RRP1B: variants seen among roughly 807,000 people sequenced by gnomAD.
RRP1B encodes ribosomal RNA processing 1B, also known as ribosomal RNA processing protein 1 homolog B.
Under a neutral mutation model 80.2 loss-of-function variants are expected in RRP1B, and 56 were observed. The observed-to-expected ratio is 0.70, with a 90% CI of 0.56 to 0.87. The LOEUF is 0.87. Ranked by LOEUF, RRP1B falls within the 40% of genes least tolerant of loss-of-function variation. The probability of loss-of-function intolerance (pLI) is 0.00; values close to 1 mark genes in which losing one functional copy is unlikely to be tolerated. For missense variants in RRP1B, 807 were observed against 939.8 expected (o/e 0.86, Z 1.85); for synonymous variants, 351 against 357.6 (o/e 0.98, Z 0.21).
chr21:43,679,802 C>G (rs56067270), intron 8 of RRP1B, among the ~76,000 whole-genome samples: 2,239 of 152,264 alleles, frequency 0.015, 55 homozygotes, highest in African/African-American at 0.05. Flanking sequence ...TTGTTTGTGT[C>G]ATCAGTGACT....
chr21:43,669,769 T>A (rs2082992102), intron 1 of RRP1B, 115 bp from the exon 2 acceptor site: 1 of 692,546 alleles, frequency 1.4e-6, no homozygotes, highest in Non-Finnish European at 2.4e-6. Flanking sequence ...TTCAATTTTT[T>A]AAAAAGACGT....
In RRP1B at chr21:43,675,103, A is replaced by G. The variant is rs377357214; in HGVS notation, c.489A>G (p.Gly163=). 1.9e-4 allele frequency: 304 copies of G among 1,613,948 alleles called. No individual in the cohort carries two copies. The highest frequency in any genetic ancestry group is 2.4e-4 in the Non-Finnish European group (289 of 1,179,980). The change falls in exon 6 of 16, where the codon GGA becomes GGG. Residue 163 remains glycine, a synonymous_variant. Coordinates refer to ENST00000340648, the MANE Select transcript of RRP1B (RefSeq NM_015056.3). ...VLCPESQSPN[G]VRFHFIDIYL... ...GTCCTGAGAGTCAGTCTCCTAATGG[A>G]GTGAGATTCCACTTCATTGATATTT...
At chr21:43,663,789 T>C (rs2082967633) in intron 1 of RRP1B, among the ~76,000 whole-genome samples, 1 of 152,174 alleles carries the variant, frequency 6.6e-6, no homozygotes. Flanking sequence ...CTTGAACTCC[T>C]GACCTCAGGT....
At chr21:43,671,911 T>G (rs139142932) in intron 2 of RRP1B, among the ~76,000 whole-genome samples, 10 of 152,098 alleles carry the variant, frequency 6.6e-5, no homozygotes, top group African/African-American at 2.2e-4. Flanking sequence ...GGTCTTGAAC[T>G]CCTGACCTCA....
At chr21:43,672,710 A>T (rs960199225) in intron 3 of RRP1B, among the ~76,000 whole-genome samples, 4 of 152,178 alleles carry the variant, frequency 2.6e-5, no homozygotes, top group Admixed American at 6.5e-5. Context: ...ACTGGTAATA[A>T]ATACATAGAA....
At chr21:43,681,195 A>G (rs892861675) in intron 8 of RRP1B, among the ~76,000 whole-genome samples, 2 of 152,082 alleles carry the variant, frequency 1.3e-5, no homozygotes, top group Non-Finnish European at 2.9e-5. Flanking sequence ...GTGAGCCAAG[A>G]TCGTGCCACT....
At position 43,684,577 on chromosome 21, in the gene RRP1B, C is replaced by T. The variant is rs1175860221; in HGVS notation, c.916C>T (p.Arg306Ter). 2 of 1,613,942 alleles carry T rather than the reference C, an allele frequency of 1.2e-6. No individual in the cohort carries two copies. Among genetic ancestry groups the T allele is most frequent in the Non-Finnish European group, 1.7e-6 (2 of 1,179,982 alleles). ...LQFDYKAVADRLLEMTSRKNT... is the reference protein window; with the variant it reads ...LQFDYKAVAD ...GTTTGACTATAAGGCTGTTGCTGAT[C>T]GACTCCTGGAAATGACCAGCAGGAA... Residue 306 changes from arginine to a stop codon, truncating the protein, a stop_gained, in exon 10 of 16, where the codon CGA (arginine) becomes TGA (stop). Transcript: ENST00000340648. LOFTEE classifies it high-confidence loss of function.
intron 8 of RRP1B, among the ~76,000 whole-genome samples, chr21:43,682,989 C>G (rs1377295978): frequency 6.6e-6 from 1 of 152,154 alleles, no homozygotes; most frequent in Non-Finnish European, 1.5e-5. Flanking sequence ...TCTCATGCCT[C>G]AGCCTCCCAA....
intron 3 of RRP1B, 99 bp from the exon 4 acceptor site, chr21:43,673,771 T>A: frequency 1.5e-6 from 1 of 676,848 alleles, no homozygotes; most frequent in Non-Finnish European, 2.5e-6. Flanking sequence ...GAAAAGTGAA[T>A]AATAAATAAT....
At chr21:43,688,690 C>G (rs775716340) in intron 13 of RRP1B, among the ~76,000 whole-genome samples, 9 of 152,188 alleles carry the variant, frequency 5.9e-5, no homozygotes, top group Non-Finnish European at 8.8e-5. Flanking sequence ...TAGCTTCCCC[C>G]CTACCCCCCA....
Position 43,659,567 on chromosome 21 carries a change from G to C in RRP1B, c.-98G>C. 2 of 1,230,106 alleles carry C rather than the reference G, an allele frequency of 1.6e-6. No homozygotes were observed. The highest frequency in any genetic ancestry group is 2.0e-6 in the Non-Finnish European group (2 of 983,458). The allele number at this position is 1,230,106 out of a possible 1,614,324, so 76.2% of individuals were successfully genotyped here. ...CGCCGCCGCCGCCGCCTTCTGTGCA[G>C]TCGCGGCCCGGGCGGACGGTGGCTG... On this transcript the variant is annotated 5_prime_UTR_variant, in exon 1 of 16. Transcript: ENST00000340648. This position sits in a 1 kb window ranked among gnomAD's most constrained non-coding sequence, Gnocchi z 4.2.
chr21:43,695,630 A>T lies in RRP1B; in HGVS notation c.*2247A>T, dbSNP rs902247230. 3.9e-5 allele frequency: 6 copies of T among 152,260 alleles called. No individual in the cohort carries two copies. The highest frequency in any genetic ancestry group is 8.8e-5 in the Non-Finnish European group (6 of 68,042). 9.4% of individuals were successfully genotyped at this position (152,260 alleles called of 1,614,324 possible). ...AGACGCACAAGAATATGTCACATAA[A>T]GAAAATGTGTTTAGAATACTGGTTT... On this transcript the variant is annotated 3_prime_UTR_variant, in exon 16 of 16. Coordinates refer to ENST00000340648, the MANE Select transcript of RRP1B (RefSeq NM_015056.3).
At position 43,693,149 on chromosome 21, in the gene RRP1B, C is replaced by T. The variant is rs370495143; in HGVS notation, c.2084-41C>T. 2.7e-5 allele frequency: 43 copies of T among 1,604,740 alleles called. No homozygotes were observed. The highest frequency in any genetic ancestry group is 2.4e-4 in the South Asian group (22 of 90,430). The stretch of plus-strand genomic sequence containing the variant: ...TCTAAGGTGTTGAAGGGACAGCTGT[C>T]GGACCCACTTAATATGGGGCCTTGC... On this transcript the variant is annotated intron_variant, in intron 15 of 15. Transcript: ENST00000340648. This position sits in a 1 kb window ranked among gnomAD's most constrained non-coding sequence, Gnocchi z 4.1.
intron 2 of RRP1B, among the ~76,000 whole-genome samples, chr21:43,670,179 A>G (rs1601752822): frequency 1.3e-5 from 2 of 152,354 alleles, no homozygotes; most frequent in African/African-American, 2.4e-5. Flanking sequence ...AAAGATGTGC[A>G]TTCGTTGTCA....
In RRP1B at chr21:43,693,792, T is replaced by A. The variant is rs2083096523; in HGVS notation, c.*409T>A. ...GCGGAATTTGGTACTCATTACCGTA[T>A]TCGCCGTACTAAGTTGGTTTCTGTT... On this transcript the variant is annotated 3_prime_UTR_variant, in exon 16 of 16. Transcript: ENST00000340648. The surrounding 1 kb of genome is among the most constrained non-coding windows in gnomAD (Gnocchi z 4.1). 6.1e-6 allele frequency: 1 copy of A among 164,284 alleles called. No homozygotes were observed. The highest frequency in any genetic ancestry group is 6.5e-5 in the Admixed American group (1 of 15,484). 10.2% of individuals were successfully genotyped at this position (164,284 alleles called of 1,614,324 possible).
chr21:43,688,230 C>A lies in RRP1B; in HGVS notation c.1856C>A (p.Pro619His). The A allele has an allele frequency of 6.4e-7, 1 of 1,552,224 alleles. No homozygotes were observed. The highest frequency in any genetic ancestry group is 8.7e-7 in the Non-Finnish European group (1 of 1,146,686). Residue 619 changes from proline to histidine, a missense_variant, in exon 13 of 16, where the codon CCC becomes CAC. Transcript: ENST00000340648. Reference protein sequence around the residue: ...NGVLESEAGQPQALGSSGTCS... With the variant: ...NGVLESEAGQHQALGSSGTCS... ...GTGCTGGAGTCCGAAGCTGGGCAAC[C>A]CCAGGCTCTGGTAAGGTGGGAGCAC...
chr21:43,688,904 C>A lies in RRP1B; in HGVS notation c.1866+664C>A, dbSNP rs146933162. 8.3e-3 allele frequency among the ~76,000 whole-genome samples: 1,269 copies of A among 152,352 alleles called. 20 individuals carry two copies. Among genetic ancestry groups the A allele is most frequent in the African/African-American group, 0.027 (1,141 of 41,576 alleles). On this transcript the variant is annotated intron_variant, in intron 13 of 15. Coordinates refer to ENST00000340648, the MANE Select transcript of RRP1B (RefSeq NM_015056.3). Reference sequence around the variant, plus strand: ...TCCCAGGTTCAAGCGATTCTTCTGCCTCTGCCTCCCAAGTAGCTGGAATTA... The same window carrying A: ...TCCCAGGTTCAAGCGATTCTTCTGCATCTGCCTCCCAAGTAGCTGGAATTA...
intron 1 of RRP1B, among the ~76,000 whole-genome samples, chr21:43,661,719 T>G (rs539137811): frequency 5.9e-5 from 9 of 152,304 alleles, no homozygotes; most frequent in African/African-American, 1.9e-4. Flanking sequence ...TTTTTGAAAT[T>G]CAGTGTCTGC....
intron 2 of RRP1B, 53 bp from the exon 3 acceptor site, chr21:43,672,255 C>G (rs545599701): frequency 6.5e-7 from 1 of 1,547,084 alleles, no homozygotes; most frequent in South Asian, 1.1e-5. Flanking sequence ...GCACAGGCAT[C>G]TCATGTTGCC....
Sources: gnomAD v4.1 joint callset for allele counts (sites outside exome capture counted in the v4.1 genomes callset) on GRCh38, gnomAD v4.1.1 for gene constraint, Gnocchi (gnomAD v3.1) non-coding constraint, MANE v1.5 for transcripts, NCBI Gene and HGNC (gene_info 2026-07-23, HGNC 2026-07-21) for gene names.